Variants in C3orf33 observed in about 807,000 individuals in gnomAD.
C3orf33 encodes the protein mitochondrial inner membrane subdomain organizer 1.
C3orf33 carries 23 observed loss-of-function variants against 28.7 expected under a neutral mutation model. The ratio of observed to expected loss-of-function variants is 0.80; its 90% CI spans 0.58 to 1.13. The LOEUF (loss-of-function observed/expected upper bound fraction) is 1.13, where lower values mean the gene tolerates loss of function less well. C3orf33 is among the 50% of genes most tolerant of loss of function. C3orf33 has a pLI of 0.00. For synonymous variants in C3orf33, 119 were observed against 120.5 expected (o/e 0.99, Z 0.08); for missense variants, 327 against 353.4 (o/e 0.93, Z 0.60).
At chr3:155,772,772 C>CTGTGTGTGTGTGTGTGTGTGTG (rs60966459) in intron 3 of C3orf33, among the ~76,000 whole-genome samples, 9 of 142,138 alleles carry the variant, frequency 6.3e-5, no homozygotes, top group Non-Finnish European at 1.1e-4. Context: ...TTTTTAGGCT[C>CTGTGTGTGTGTGTGTGTGTGTG]TGTGTGTGTG....
chr3:155,798,595 C>T (rs1333507539), intron 2 of C3orf33, among the ~76,000 whole-genome samples: 1 of 151,816 alleles, frequency 6.6e-6, no homozygotes, highest in East Asian at 1.9e-4. Flanking sequence ...AGACCTCTCT[C>T]TCTCATCATA....
intron 2 of C3orf33, among the ~76,000 whole-genome samples, chr3:155,797,420 C>T (rs1313246684): frequency 1.3e-5 from 2 of 152,056 alleles, no homozygotes. Flanking sequence ...CCACTTTCAC[C>T]ACTGTTATTC....
At chr3:155,781,107 C>T (rs1166729316) in intron 2 of C3orf33, among the ~76,000 whole-genome samples, 1 of 151,270 alleles carries the variant, frequency 6.6e-6, no homozygotes, top group Non-Finnish European at 1.5e-5. Context: ...ACGCCATTCT[C>T]CTGCCTCAGC....
chr3:155,783,034 C>T (rs1750978137), intron 2 of C3orf33, among the ~76,000 whole-genome samples: 1 of 152,178 alleles, frequency 6.6e-6, no homozygotes, highest in Non-Finnish European at 1.5e-5. Context: ...AAAAAATCTG[C>T]CATTATTTGT....
intron 2 of C3orf33, among the ~76,000 whole-genome samples, chr3:155,798,763 G>A (rs1751554621): frequency 6.6e-6 from 1 of 152,032 alleles, no homozygotes; most frequent in South Asian, 2.1e-4. Context: ...AGAAAAAATA[G>A]ACAAACAGGA....
chr3:155,778,468 G>A (rs1750820131), intron 2 of C3orf33, among the ~76,000 whole-genome samples: 1 of 152,184 alleles, frequency 6.6e-6, no homozygotes, highest in South Asian at 2.1e-4. Context: ...CACAAAGGAA[G>A]AGAGAATACA....
At chr3:155,805,864 T>C in intron 1 of C3orf33, 1 of 534,654 alleles carries the variant, frequency 1.9e-6, no homozygotes, top group Middle Eastern at 4.7e-4. Context: ...CGAGCTGGGC[T>C]GCGTCTCACC....
At chr3:155,777,932 A>C (rs1018162300) in intron 2 of C3orf33, among the ~76,000 whole-genome samples, 5 of 152,108 alleles carry the variant, frequency 3.3e-5, no homozygotes, top group Non-Finnish European at 5.9e-5. Flanking sequence ...AGGACAGATC[A>C]TGAGGTCAAT....
At chr3:155,772,829 T>C (rs17415343) in intron 3 of C3orf33, among the ~76,000 whole-genome samples, 17,876 of 147,250 alleles carry the variant, frequency 0.12, 1,179 homozygotes, top group Middle Eastern at 0.16. Flanking sequence ...CATTCATACA[T>C]ACCAAAAATA....
chr3:155,786,154 A>C, intron 2 of C3orf33, among the ~76,000 whole-genome samples: 1 of 152,042 alleles, frequency 6.6e-6, no homozygotes, highest in East Asian at 1.9e-4. Flanking sequence ...GGGAAGGGAA[A>C]GAAAAGAAGA....
chr3:155,778,753 A>G (rs559423192), intron 2 of C3orf33, among the ~76,000 whole-genome samples: 2 of 152,352 alleles, frequency 1.3e-5, no homozygotes, highest in Non-Finnish European at 2.9e-5. Flanking sequence ...ATGGTTCCCA[A>G]CATGGTTTAC....
chr3:155,770,721 T>G (rs897461018), intron 3 of C3orf33, among the ~76,000 whole-genome samples: 1 of 151,988 alleles, frequency 6.6e-6, no homozygotes, highest in Non-Finnish European at 1.5e-5. Flanking sequence ...CAGGCTGAAG[T>G]GCAATGGTGC....
intron 2 of C3orf33, among the ~76,000 whole-genome samples, chr3:155,779,023 G>A (rs1750837755): frequency 6.6e-6 from 1 of 152,176 alleles, no homozygotes; most frequent in Non-Finnish European, 1.5e-5. Flanking sequence ...CAAAACTAAT[G>A]AAGGATGGGA....
At chr3:155,793,832 A>AAAAC in intron 2 of C3orf33, among the ~76,000 whole-genome samples, 1 of 145,940 alleles carries the variant, frequency 6.9e-6, no homozygotes, top group Admixed American at 6.8e-5. Context: ...AAAAAACTAA[A>AAAAC]AAAACTAAAA....
At chr3:155,781,624 C>A (rs1750925134) in intron 2 of C3orf33, among the ~76,000 whole-genome samples, 1 of 151,232 alleles carries the variant, frequency 6.6e-6, no homozygotes, top group Admixed American at 6.6e-5. Context: ...AAAAAATTAG[C>A]CGGGTGTGGT....
At chr3:155,772,455 T>C (rs955671369) in intron 3 of C3orf33, among the ~76,000 whole-genome samples, 2 of 152,140 alleles carry the variant, frequency 1.3e-5, no homozygotes, top group African/African-American at 2.4e-5. Flanking sequence ...ATACAAAAAC[T>C]GATTTTTTTG....
At chr3:155,775,265 G>A (rs1028358086) in intron 3 of C3orf33, among the ~76,000 whole-genome samples, 3 of 152,088 alleles carry the variant, frequency 2.0e-5, no homozygotes, top group African/African-American at 2.4e-5. Context: ...CGAGGTGGGC[G>A]GATCACCTGA....
rs1204099458 is a variant in C3orf33 at position 155,786,672 on chromosome 3, C to CA, written c.175-10825dup. 8.6e-5 allele frequency among the ~76,000 whole-genome samples: 13 copies of CA among 150,882 alleles called. No individual in the cohort carries two copies. The South Asian group carries it at 1.3e-3, about 15-fold the overall frequency. Reference sequence around the variant, plus strand: ...CGAAACCCCATCTCTACTAAAAATACAAAAAAAAATTAGCTGAGCATGGTG... The same window carrying CA: ...CGAAACCCCATCTCTACTAAAAATACAAAAAAAAAATTAGCTGAGCATGGTG... On this transcript the variant is annotated intron_variant, in intron 2 of 4. Coordinates refer to ENST00000340171, the MANE Select transcript of C3orf33 (RefSeq NM_001308229.2).
At chr3:155,790,722 A>C (rs780810992) in intron 2 of C3orf33, among the ~76,000 whole-genome samples, 3 of 152,154 alleles carry the variant, frequency 2.0e-5, no homozygotes, top group Non-Finnish European at 4.4e-5. Flanking sequence ...TTACAGCAGA[A>C]AGCAACATCA....
Sources: allele counts gnomAD v4.1 joint callset (sites outside exome capture counted in the v4.1 genomes callset), GRCh38; gene constraint gnomAD v4.1.1; transcripts MANE v1.5; gene names NCBI Gene and HGNC (gene_info 2026-07-23, HGNC 2026-07-21).